Variants in QKI observed in about 807,000 individuals in gnomAD.
QKI encodes the protein KH domain-containing RNA-binding protein QKI.
A neutral mutation model predicts 39.0 loss-of-function variants in QKI; 10 were observed. The observed-to-expected ratio is 0.26, with a 90% CI of 0.16 to 0.43. The LOEUF (loss-of-function observed/expected upper bound fraction) is 0.43. Among genes scored for constraint, QKI ranks in the 20% least tolerant of loss-of-function variants. The pLI, the probability that QKI is intolerant of heterozygous loss-of-function variation, is 1.00. For synonymous variants in QKI, 204 were observed against 155.4 expected, an observed-to-expected ratio of 1.31 and a Z score of -2.33; for missense variants, 218 against 428.0, an observed-to-expected ratio of 0.51 and a Z score of 4.33.
intron 3 of QKI, among the ~76,000 whole-genome samples, chr6:163,494,924 T>TTTA (rs1778307794): frequency 8.8e-6 from 1 of 113,074 alleles, no homozygotes; most frequent in Non-Finnish European, 1.8e-5. Flanking sequence ...TATTTATTTA[T>TTTA]TTTTTTTTTG....
At chr6:163,517,821 C>T (rs1201086910) in intron 3 of QKI, among the ~76,000 whole-genome samples, 3 of 151,686 alleles carry the variant, frequency 2.0e-5, no homozygotes, top group South Asian at 2.1e-4. Context: ...TTTATTTTGT[C>T]GATTGATATT....
intron 2 of QKI, chr6:163,457,474 G>C (rs1045108657): frequency 6.6e-6 from 3 of 455,800 alleles, no homozygotes; most frequent in African/African-American, 4.0e-5. Flanking sequence ...CACAGTCCTT[G>C]GACCATAGTA....
chr6:163,416,881 A>G (rs1411380241), intron 1 of QKI, among the ~76,000 whole-genome samples: 2 of 150,332 alleles, frequency 1.3e-5, no homozygotes, highest in East Asian at 1.9e-4. Flanking sequence ...TTGGCATTTG[A>G]AAGATTGTGG....
At chr6:163,501,795 C>G (rs1778779690) in intron 3 of QKI, among the ~76,000 whole-genome samples, 1 of 152,154 alleles carries the variant, frequency 6.6e-6, no homozygotes, top group Non-Finnish European at 1.5e-5. Context: ...CACTTTCTTT[C>G]CACCAGTGAC....
intron 3 of QKI, among the ~76,000 whole-genome samples, chr6:163,508,555 G>A (rs376659175): frequency 6.2e-5 from 8 of 129,034 alleles, no homozygotes; most frequent in East Asian, 4.4e-4. Flanking sequence ...TTATGATGGC[G>A]TTTCACTCTT....
intron 3 of QKI, among the ~76,000 whole-genome samples, 166 bp downstream of exon 3, chr6:163,479,062 G>T (rs1406664773): frequency 1.3e-5 from 2 of 152,134 alleles, no homozygotes; most frequent in African/African-American, 4.8e-5. Context: ...GAGGCAGGCG[G>T]ATCGTCTGAG....
intron 3 of QKI, among the ~76,000 whole-genome samples, chr6:163,496,101 C>T (rs1275930469): frequency 6.6e-6 from 1 of 152,130 alleles, no homozygotes; most frequent in Non-Finnish European, 1.5e-5. Context: ...TCTGACATTT[C>T]TAATAGGTTA....
In QKI at chr6:163,562,052, A is replaced by C; in HGVS notation, c.617A>C (p.Asp206Ala). 1 of 1,612,632 alleles carries C rather than the reference A, an allele frequency of 6.2e-7. No homozygotes were observed. The highest frequency in any genetic ancestry group is 8.5e-7 in the Non-Finnish European group (1 of 1,179,254). ...ELAILNGTYRDANIKSPALAF... is the reference protein window; with the variant it reads ...ELAILNGTYRAANIKSPALAF... ...GCGATTCTGAATGGCACCTACAGAG[A>C]TGCCAACATTAAATCACGTAAGAAT... The change falls in exon 5 of 8, where the codon GAT becomes GCT. Residue 206 changes from aspartate to alanine, a missense_variant. By Grantham distance (126) the Asp-to-Ala change is moderately radical. Coordinates refer to ENST00000361752, the MANE Select transcript of QKI (RefSeq NM_006775.3).
chr6:163,427,357 AAATT>A (rs1017384851), intron 1 of QKI, among the ~76,000 whole-genome samples: 3 of 151,788 alleles, frequency 2.0e-5, no homozygotes, highest in South Asian at 4.2e-4. Flanking sequence ...CAAAATAACA[AAATT>A]AATAATATTA....
intron 1 of QKI, among the ~76,000 whole-genome samples, chr6:163,426,201 A>C (rs192584510): frequency 6.6e-6 from 1 of 151,258 alleles, no homozygotes; most frequent in Admixed American, 6.6e-5. Context: ...AATACTGCTC[A>C]TTAAATCTGG....
intron 3 of QKI, among the ~76,000 whole-genome samples, chr6:163,480,232 G>GGTCT (rs200667684): frequency 0.021 from 3,141 of 151,888 alleles, 100 homozygotes; most frequent in African/African-American, 0.071. Flanking sequence ...AGGAAGGTTT[G>GGTCT]GTCTGTCTGT....
intron 3 of QKI, among the ~76,000 whole-genome samples, chr6:163,518,118 A>G (rs1779941058): frequency 6.6e-6 from 1 of 152,226 alleles, no homozygotes; most frequent in African/African-American, 2.4e-5. Context: ...GTTTATTAGA[A>G]TTTGTGTAAT....
chr6:163,495,734 T>C (rs1778367873), intron 3 of QKI, among the ~76,000 whole-genome samples: 1 of 152,174 alleles, frequency 6.6e-6, no homozygotes, highest in South Asian at 2.1e-4. Context: ...CTTTTCATTA[T>C]CTTTTATAAT....
chr6:163,432,399 T>TG (rs1020084641), intron 1 of QKI, among the ~76,000 whole-genome samples: 2 of 108,028 alleles, frequency 1.9e-5, no homozygotes, highest in African/African-American at 7.5e-5. Context: ...ATCCCCCCCC[T>TG]TTTTTTTTTT....
intron 3 of QKI, among the ~76,000 whole-genome samples, chr6:163,502,580 G>A (rs966540634): frequency 2.0e-5 from 3 of 152,024 alleles, no homozygotes; most frequent in African/African-American, 4.8e-5. Flanking sequence ...TCATAAAGGG[G>A]CTCCATTGTA....
intron 4 of QKI, among the ~76,000 whole-genome samples, chr6:163,555,841 A>T (rs9688970): frequency 0.05 from 7,370 of 148,046 alleles, 604 homozygotes; most frequent in African/African-American, 0.18. Flanking sequence ...GTTTTTTTTT[A>T]AAAGTATATA....
intron 3 of QKI, among the ~76,000 whole-genome samples, chr6:163,480,275 CTCTT>C (rs961465982): frequency 7.2e-5 from 11 of 151,870 alleles, no homozygotes; most frequent in South Asian, 6.2e-4. Flanking sequence ...CTCTCTCTCT[CTCTT>C]TCTTCCTTCC....
rs1006248374 is a variant in QKI at position 163,568,954 on chromosome 6, T to G, written c.1010-1740T>G. Reference sequence around the variant, plus strand: ...TGTCCTGGTATATATAAATGGTCACTCACTTCGTTTATATATTCCACACTC... The same window carrying G: ...TGTCCTGGTATATATAAATGGTCACGCACTTCGTTTATATATTCCACACTC... On this transcript the variant is annotated intron_variant, in intron 7 of 7. Transcript: ENST00000361752. The G allele has an allele frequency of 1.1e-5, 11 of 985,978 alleles. No individual in the cohort carries two copies. The Admixed American group carries it at 5.5e-4, about 50-fold the overall frequency. 61.1% of individuals were successfully genotyped at this position (985,978 alleles called of 1,614,324 possible). A position where few individuals can be genotyped will look rare whatever the true frequency, so the allele number is the denominator to read the frequency against.
At chr6:163,485,050 C>G (rs892090578) in intron 3 of QKI, among the ~76,000 whole-genome samples, 2 of 152,086 alleles carry the variant, frequency 1.3e-5, no homozygotes, top group Non-Finnish European at 2.9e-5. Context: ...AAACAAAGAC[C>G]AAATATATTT....
Sources: gnomAD v4.1 joint callset for allele counts (sites outside exome capture counted in the v4.1 genomes callset) on GRCh38, gnomAD v4.1.1 for gene constraint, MANE v1.5 for transcripts, NCBI Gene and HGNC (gene_info 2026-07-23, HGNC 2026-07-21) for gene names.